The following ENOX1 variants were observed in gnomAD, a reference collection of about 807,000 sequenced individuals.
The protein encoded by ENOX1 is candidate growth-related and time keeping constitutive hydroquinone (NADH) oxidase.
ENOX1 carries 42 observed loss-of-function variants against 82.5 expected under a neutral mutation model. That is an observed-to-expected ratio of 0.51 (90% CI 0.40 to 0.66). The LOEUF (loss-of-function observed/expected upper bound fraction) is 0.66, where lower values mean the gene tolerates loss of function less well. ENOX1 is among the 30% of genes least tolerant of loss of function. The pLI, the probability that ENOX1 is intolerant of heterozygous loss-of-function variation, is 0.00. For missense variants in ENOX1, 608 were observed against 811.6 expected (o/e 0.75, Z 3.05); for synonymous variants, 271 against 282.2 (o/e 0.96, Z 0.40).
rs186631555 is a variant in ENOX1, at chr13:43,355,856, G to A, written c.823+63C>T. The A allele has an allele frequency of 1.3e-3, 1,952 of 1,477,816 alleles. 41 individuals carry two copies. The Admixed American group carries it at 0.032, about 24-fold the overall frequency. 91.5% of individuals were successfully genotyped at this position (1,477,816 alleles called of 1,614,324 possible). On this transcript the variant is annotated intron_variant, in intron 8 of 16. Transcript: ENST00000690772. Reference sequence around the variant, plus strand: ...GGACAATGGTGGACGCAGGAGAAACGCACAGGGTTCCGTGTCTGGGGATCC... The same window carrying A: ...GGACAATGGTGGACGCAGGAGAAACACACAGGGTTCCGTGTCTGGGGATCC...
chr13:43,712,542 C>A (rs1449948420), intron 1 of ENOX1, among the ~76,000 whole-genome samples: 94 of 150,062 alleles, frequency 6.3e-4, no homozygotes, highest in Admixed American at 1.6e-3. Flanking sequence ...ATTCTTCCTA[C>A]CCATGAGCAT....
intron 15 of ENOX1, among the ~76,000 whole-genome samples, chr13:43,233,449 C>A (rs986661178): frequency 6.6e-6 from 1 of 152,148 alleles, no homozygotes; most frequent in Non-Finnish European, 1.5e-5. Flanking sequence ...TAAATATCAA[C>A]TTTATGCCTT....
At chr13:43,774,785 A>G (rs2153837509) in intron 1 of ENOX1, among the ~76,000 whole-genome samples, 1 of 152,342 alleles carries the variant, frequency 6.6e-6, no homozygotes, top group Non-Finnish European at 1.5e-5. Context: ...CTGCAAGGGC[A>G]ACAAAACATC....
chr13:43,561,744 C>G (rs2079679878), intron 2 of ENOX1, among the ~76,000 whole-genome samples: 1 of 152,024 alleles, frequency 6.6e-6, no homozygotes, highest in South Asian at 2.1e-4. Context: ...AATTCCAACA[C>G]TTTGAGAGGC....
At position 43,262,166 on chromosome 13, in the gene ENOX1, G is replaced by A. The variant is rs188806421; in HGVS notation, c.1611+3232C>T. 1.9e-3 allele frequency among the ~76,000 whole-genome samples: 295 copies of A among 152,186 alleles called. 1 individual carries two copies. Among genetic ancestry groups the A allele is most frequent in the African/African-American group, 6.5e-3 (269 of 41,526 alleles). On this transcript the variant is annotated intron_variant, in intron 14 of 16. Transcript: ENST00000690772. Reference sequence around the variant, plus strand: ...TGACTGGAAAAAACTAAAATAAAGCGTTAATGGTGGTTATCTCTGAGTAAT... The same window carrying A: ...TGACTGGAAAAAACTAAAATAAAGCATTAATGGTGGTTATCTCTGAGTAAT...
intron 1 of ENOX1, among the ~76,000 whole-genome samples, chr13:43,768,013 T>C (rs1951378087): frequency 6.7e-6 from 1 of 150,242 alleles, no homozygotes. Context: ...CTGTTCCATA[T>C]TCTAAATGTC....
chr13:43,221,835 G>A (rs1260689445), intron 16 of ENOX1, among the ~76,000 whole-genome samples: 1 of 152,136 alleles, frequency 6.6e-6, no homozygotes, highest in African/African-American at 2.4e-5. Context: ...AGGACTGGGT[G>A]GAGCCTGCTT....
At chr13:43,413,137 C>A (rs543411537) in intron 3 of ENOX1, 149 bp from the exon 4 acceptor site, 6 of 816,434 alleles carry the variant, frequency 7.3e-6, no homozygotes, top group Non-Finnish European at 1.0e-5. Flanking sequence ...CATCGCTCAG[C>A]GGCTGTCTTG....
At chr13:43,669,793 C>T (rs2085168544) in intron 1 of ENOX1, among the ~76,000 whole-genome samples, 1 of 152,108 alleles carries the variant, frequency 6.6e-6, no homozygotes, top group African/African-American at 2.4e-5. Flanking sequence ...TTCTCCTAAC[C>T]CACTGCCAGG....
At chr13:43,312,658 T>C (rs187782485) in intron 11 of ENOX1, among the ~76,000 whole-genome samples, 1 of 152,342 alleles carries the variant, frequency 6.6e-6, no homozygotes, top group East Asian at 1.9e-4. Context: ...TCAAAGCATT[T>C]TCTTTTCTTC....
chr13:43,754,035 T>TATAAAGACACATATATACATATATAC (rs1566880724), intron 1 of ENOX1, among the ~76,000 whole-genome samples: 1 of 126,080 alleles, frequency 7.9e-6, no homozygotes, highest in African/African-American at 3.1e-5. Flanking sequence ...TACATATATA[T>TATAAAGACACATATATACATATATAC]GTATATAAAT....
intron 9 of ENOX1, among the ~76,000 whole-genome samples, chr13:43,341,258 T>C (rs2049038135): frequency 6.6e-6 from 1 of 150,938 alleles, no homozygotes; most frequent in Admixed American, 6.6e-5. Context: ...ATTGCACCAC[T>C]GTACTCCAGC....
chr13:43,311,718 T>C (rs1593861345), intron 11 of ENOX1, among the ~76,000 whole-genome samples: 1 of 152,346 alleles, frequency 6.6e-6, no homozygotes, highest in Non-Finnish European at 1.5e-5. Context: ...TTCAAGACTT[T>C]GTTAGCTATT....
chr13:43,216,676 C>T (rs898147491), intron 16 of ENOX1, among the ~76,000 whole-genome samples: 1 of 152,146 alleles, frequency 6.6e-6, no homozygotes. Flanking sequence ...GAGGCCATAG[C>T]GGAACACACA....
In ENOX1 at chr13:43,264,165, T is replaced by C. The variant is rs571976798; in HGVS notation, c.1611+1233A>G. Among the ~76,000 whole-genome samples, 11 of 152,384 alleles carry C rather than the reference T, an allele frequency of 7.2e-5. No homozygotes were observed. In the South Asian group the frequency reaches 2.1e-3, roughly 29 times the overall value. ...ACAATATTATGACATGCTTTTGAGA[T>C]AGGCTTTGCCATTCTTTTTACAAGT... On this transcript the variant is annotated intron_variant, in intron 14 of 16. Coordinates refer to ENST00000690772, the MANE Select transcript of ENOX1 (RefSeq NM_001347969.2).
chr13:43,498,616 C>A (rs933520320), intron 2 of ENOX1, among the ~76,000 whole-genome samples: 3 of 151,194 alleles, frequency 2.0e-5, no homozygotes, highest in Non-Finnish European at 1.5e-5. Context: ...ATCTTTCTTG[C>A]AGAATTCTAA....
At chr13:43,644,420 G>A (rs987990044) in intron 2 of ENOX1, among the ~76,000 whole-genome samples, 3 of 152,126 alleles carry the variant, frequency 2.0e-5, no homozygotes, top group Non-Finnish European at 4.4e-5. Context: ...CAATTTATGA[G>A]CTTTTGATAT....
chr13:43,279,214 GATATACT>G (rs1240235231), intron 12 of ENOX1, among the ~76,000 whole-genome samples: 1 of 152,116 alleles, frequency 6.6e-6, no homozygotes, highest in Non-Finnish European at 1.5e-5. Context: ...TATTAATCAT[GATATACT>G]ATATCCCAAT....
chr13:43,391,866 G>T (rs902069787), intron 5 of ENOX1, among the ~76,000 whole-genome samples: 1 of 152,122 alleles, frequency 6.6e-6, no homozygotes, highest in Admixed American at 6.5e-5. Context: ...TTCAGGGAAT[G>T]AATAAATAAA....
Sources: gnomAD v4.1 joint callset for allele counts (sites outside exome capture counted in the v4.1 genomes callset) on GRCh38, gnomAD v4.1.1 for gene constraint, MANE v1.5 for transcripts, NCBI Gene and HGNC (gene_info 2026-07-23, HGNC 2026-07-21) for gene names.